NEGR1: variants seen among roughly 807,000 people sequenced by gnomAD.
NEGR1 encodes IgLON family member 4.
NEGR1 carries 10 observed loss-of-function variants against 40.9 expected under a neutral mutation model. That is an observed-to-expected ratio of 0.24 (90% confidence interval 0.15 to 0.42). NEGR1 has a LOEUF of 0.42. NEGR1 is among the 10% of genes least tolerant of loss of function. The probability of loss-of-function intolerance (pLI) is 1.00; values close to 1 mark genes in which losing one functional copy is unlikely to be tolerated. For synonymous variants in NEGR1, 185 were observed against 166.8 expected, an observed-to-expected ratio of 1.11 and a Z score of -0.84; for missense variants, 352 against 438.9, an observed-to-expected ratio of 0.80 and a Z score of 1.77.
intron 2 of NEGR1, among the ~76,000 whole-genome samples, chr1:71,900,236 T>C (rs1293225526): frequency 6.6e-6 from 1 of 152,182 alleles, no homozygotes; most frequent in Non-Finnish European, 1.5e-5. Context: ...AATTCAACCA[T>C]AGTAAAGTGT....
chr1:72,123,740 T>C (rs1190544726), intron 1 of NEGR1, among the ~76,000 whole-genome samples: 1 of 151,978 alleles, frequency 6.6e-6, no homozygotes, highest in Non-Finnish European at 1.5e-5. Flanking sequence ...TGAGGTAACA[T>C]ATTATTTTAT....
At chr1:71,737,346 C>CTT (rs199666300) in intron 3 of NEGR1, among the ~76,000 whole-genome samples, 3 of 138,396 alleles carry the variant, frequency 2.2e-5, no homozygotes, top group Admixed American at 7.3e-5. Flanking sequence ...AGAAAACAGC[C>CTT]TTTTTTTTTT....
At chr1:72,045,143 A>G (rs980518241) in intron 1 of NEGR1, among the ~76,000 whole-genome samples, 1 of 151,814 alleles carries the variant, frequency 6.6e-6, no homozygotes, top group Non-Finnish European at 1.5e-5. Context: ...CAAGATTAAA[A>G]TCTCTGATTC....
chr1:72,115,210 T>C (rs1649536788), intron 1 of NEGR1, among the ~76,000 whole-genome samples: 2 of 151,486 alleles, frequency 1.3e-5, no homozygotes, highest in South Asian at 2.1e-4. Flanking sequence ...TTTATATATA[T>C]ATTTTTTCAT....
At chr1:72,143,918 T>TATATATATATATATATATA (rs1650796457) in intron 1 of NEGR1, among the ~76,000 whole-genome samples, 1 of 66,178 alleles carries the variant, frequency 1.5e-5, no homozygotes, top group Non-Finnish European at 3.1e-5. Flanking sequence ...ATATATAATA[T>TATATATATATATATATATA]ATATATATAT....
chr1:71,835,987 T>C (rs1373592124), intron 2 of NEGR1, among the ~76,000 whole-genome samples: 1 of 152,044 alleles, frequency 6.6e-6, no homozygotes, highest in African/African-American at 2.4e-5. Context: ...AGACATAAAA[T>C]CATAGGAATT....
intron 3 of NEGR1, among the ~76,000 whole-genome samples, chr1:71,772,732 C>A (rs1346720311): frequency 1.3e-5 from 2 of 151,550 alleles, no homozygotes; most frequent in Non-Finnish European, 2.9e-5. Context: ...ATAAAAAACA[C>A]CTAGAGATAA....
At chr1:72,264,389 T>C (rs773584009) in intron 1 of NEGR1, among the ~76,000 whole-genome samples, 101 of 151,094 alleles carry the variant, frequency 6.7e-4, no homozygotes, top group Admixed American at 2.1e-3. Flanking sequence ...ATTTCAAAGA[T>C]ATGAAAGAAA....
At chr1:72,055,378 T>A (rs897980095) in intron 1 of NEGR1, among the ~76,000 whole-genome samples, 10 of 151,220 alleles carry the variant, frequency 6.6e-5, no homozygotes, top group African/African-American at 2.4e-4. Context: ...CAAAGAATCT[T>A]CTTTTAATTT....
intron 1 of NEGR1, among the ~76,000 whole-genome samples, chr1:71,975,184 T>A (rs1268435510): frequency 1.4e-4 from 21 of 152,170 alleles, no homozygotes; most frequent in Admixed American, 1.4e-3. Flanking sequence ...AGGTAGAATA[T>A]AGTCCACATA....
chr1:71,940,829 G>C (rs1172833831), intron 1 of NEGR1, among the ~76,000 whole-genome samples: 1 of 152,124 alleles, frequency 6.6e-6, no homozygotes, highest in African/African-American at 2.4e-5. Context: ...TTAAAGCTCA[G>C]TTAAGTCAAA....
intron 6 of NEGR1, among the ~76,000 whole-genome samples, chr1:71,440,856 A>G (rs1484244622): frequency 6.6e-6 from 1 of 152,240 alleles, no homozygotes; most frequent in Non-Finnish European, 1.5e-5. Flanking sequence ...GATCAGTCCT[A>G]TAATCTCAAT....
At chr1:72,104,492 A>T (rs75417790) in intron 1 of NEGR1, among the ~76,000 whole-genome samples, 4,197 of 152,140 alleles carry the variant, frequency 0.028, 176 homozygotes, top group African/African-American at 0.095. Context: ...TTTATCCTTG[A>T]GCTTCCTGAA....
At chr1:71,696,191 A>C (rs1653468794) in intron 4 of NEGR1, among the ~76,000 whole-genome samples, 1 of 151,306 alleles carries the variant, frequency 6.6e-6, no homozygotes, top group African/African-American at 2.4e-5. Context: ...TTAGTTCCCT[A>C]CTCAAGTTTC....
chr1:72,082,313 T>C (rs1648036064), intron 1 of NEGR1, among the ~76,000 whole-genome samples: 1 of 152,120 alleles, frequency 6.6e-6, no homozygotes, highest in African/African-American at 2.4e-5. Flanking sequence ...ATTTGATGAT[T>C]CTTAAGAAGA....
intron 6 of NEGR1, among the ~76,000 whole-genome samples, chr1:71,462,558 T>C (rs1474194494): frequency 6.6e-6 from 1 of 152,138 alleles, no homozygotes; most frequent in Non-Finnish European, 1.5e-5. Flanking sequence ...CAAATGATTT[T>C]ACCTTGGGAG....
At chr1:71,867,385 G>A (rs1660148701) in intron 2 of NEGR1, among the ~76,000 whole-genome samples, 1 of 152,112 alleles carries the variant, frequency 6.6e-6, no homozygotes, top group Admixed American at 6.6e-5. Flanking sequence ...GGGAGGGGAC[G>A]AGGGGATTCA....
At chr1:72,012,965 G>C (rs1216782372) in intron 1 of NEGR1, among the ~76,000 whole-genome samples, 9 of 146,392 alleles carry the variant, frequency 6.1e-5, no homozygotes, top group Admixed American at 1.4e-4. Context: ...AAAACCAACT[G>C]GAAAAAAAAA....
chr1:71,965,907 A>G (rs893389090), intron 1 of NEGR1, among the ~76,000 whole-genome samples: 2 of 152,202 alleles, frequency 1.3e-5, no homozygotes, highest in Non-Finnish European at 2.9e-5. Flanking sequence ...GTAAAAGATT[A>G]TAACTGCATC....
Sources: gnomAD v4.1 joint callset for allele counts (sites outside exome capture counted in the v4.1 genomes callset) on GRCh38, gnomAD v4.1.1 for gene constraint, MANE v1.5 for transcripts, NCBI Gene and HGNC (gene_info 2026-07-23, HGNC 2026-07-21) for gene names.